The following TRPS1 variants were observed in gnomAD, a reference collection of about 807,000 sequenced individuals.
TRPS1 encodes the protein transcriptional repressor GATA binding 1, also known as zinc finger transcription factor Trps1.
TRPS1 carries 6 observed loss-of-function variants against 101.2 expected under a neutral mutation model. The observed-to-expected ratio is 0.06, with a 90% CI of 0.03 to 0.12. The LOEUF is 0.12. Among genes scored for constraint, TRPS1 ranks in the 10% least tolerant of loss-of-function variants. The pLI is 1.00. For missense variants in TRPS1, 1,363 were observed against 1,567.0 expected (o/e 0.87, Z 2.20); for synonymous variants, 578 against 589.8 (o/e 0.98, Z 0.29).
At chr8:115,626,565 G>A (rs1818513947) in intron 1 of TRPS1, among the ~76,000 whole-genome samples, 1 of 151,726 alleles carries the variant, frequency 6.6e-6, no homozygotes, top group African/African-American at 2.4e-5. Context: ...TGAATTGACT[G>A]TTCCCAAATT....
chr8:115,531,576 C>T (rs1816132157), intron 5 of TRPS1, among the ~76,000 whole-genome samples: 1 of 151,938 alleles, frequency 6.6e-6, no homozygotes, highest in African/African-American at 2.4e-5. Flanking sequence ...GTGTGGAAGT[C>T]AGAAGGACGG....
intron 5 of TRPS1, among the ~76,000 whole-genome samples, chr8:115,546,193 AAT>A (rs1324059754): frequency 2.6e-5 from 4 of 151,762 alleles, no homozygotes; most frequent in African/African-American, 9.7e-5. Context: ...ATATTTATAT[AAT>A]ATGTAAAAAT....
intron 5 of TRPS1, among the ~76,000 whole-genome samples, chr8:115,507,128 A>G (rs1815464954): frequency 6.6e-6 from 1 of 152,110 alleles, no homozygotes; most frequent in Non-Finnish European, 1.5e-5. Context: ...AAATCTCCTC[A>G]GTAAATAGCT....
chr8:115,432,309 A>T (rs933830272), intron 5 of TRPS1, among the ~76,000 whole-genome samples: 1 of 151,726 alleles, frequency 6.6e-6, no homozygotes, highest in African/African-American at 2.4e-5. Context: ...AAATGTTTGT[A>T]CTCTTTGAAA....
At chr8:115,548,567 G>A (rs577075316) in intron 5 of TRPS1, among the ~76,000 whole-genome samples, 5 of 152,156 alleles carry the variant, frequency 3.3e-5, no homozygotes, top group Non-Finnish European at 7.3e-5. Flanking sequence ...TTACAGGCAT[G>A]AGCCACTGTG....
rs776718242 is a variant in TRPS1, at chr8:115,533,454, TTTTTTC to T, written c.2700+53541_2700+53546del. Reference sequence around the variant, plus strand: ...GTAATCTGTTTTTTTTTTTTTTTTTTTTTTTCCTGAAAAAAATCATGAGTGAGTTAA... The same window carrying T: ...GTAATCTGTTTTTTTTTTTTTTTTTTCTGAAAAAAATCATGAGTGAGTTAA... On this transcript the variant is annotated intron_variant, in intron 5 of 6. Coordinates refer to ENST00000395715, the MANE Select transcript of TRPS1 (RefSeq NM_014112.5). 9.7e-3 allele frequency among the ~76,000 whole-genome samples: 1,319 copies of T among 135,930 alleles called. 54 individuals are homozygous for T. Among genetic ancestry groups the T allele is most frequent in the Non-Finnish European group, 0.014 (934 of 64,788 alleles). The allele number at this position is 135,930 out of a possible 152,430, so 89.2% of individuals were successfully genotyped here.
chr8:115,479,965 A>G (rs902644853), intron 5 of TRPS1, among the ~76,000 whole-genome samples: 19 of 152,296 alleles, frequency 1.2e-4, no homozygotes, highest in African/African-American at 4.6e-4. Flanking sequence ...TTACTTCCCA[A>G]TGAAGCAGAG....
intron 4 of TRPS1, among the ~76,000 whole-genome samples, chr8:115,595,285 TA>T (rs1173572694): frequency 1.3e-5 from 2 of 151,972 alleles, no homozygotes; most frequent in Non-Finnish European, 2.9e-5. Context: ...CATGTGGCAT[TA>T]CTGCCACTGT....
At chr8:115,436,804 C>T (rs1484837846) in intron 5 of TRPS1, among the ~76,000 whole-genome samples, 2 of 152,064 alleles carry the variant, frequency 1.3e-5, no homozygotes, top group Non-Finnish European at 2.9e-5. Context: ...GAATGTAAGG[C>T]ACACAATTTG....
At chr8:115,509,283 T>C (rs1281845876) in intron 5 of TRPS1, among the ~76,000 whole-genome samples, 1 of 152,062 alleles carries the variant, frequency 6.6e-6, no homozygotes, top group Non-Finnish European at 1.5e-5. Flanking sequence ...CACACTAGGC[T>C]TCTATTTATT....
intron 1 of TRPS1, among the ~76,000 whole-genome samples, chr8:115,646,232 G>C (rs537990513): frequency 6.6e-6 from 1 of 152,220 alleles, no homozygotes; most frequent in Admixed American, 6.5e-5. Flanking sequence ...CCTGTGCCCA[G>C]GTACTACTAC....
At chr8:115,659,948 A>G (rs1451637180) in intron 1 of TRPS1, among the ~76,000 whole-genome samples, 2 of 152,036 alleles carry the variant, frequency 1.3e-5, no homozygotes, top group Non-Finnish European at 2.9e-5. Context: ...ATGTAAAAAC[A>G]TTCTAAGCAA....
chr8:115,427,626 G>A (rs1406800886), intron 5 of TRPS1, among the ~76,000 whole-genome samples: 1 of 152,102 alleles, frequency 6.6e-6, no homozygotes, highest in Non-Finnish European at 1.5e-5. Flanking sequence ...TACTAAAGAG[G>A]AGATTGGGGA....
chr8:115,650,674 C>T (rs912959812), intron 1 of TRPS1, among the ~76,000 whole-genome samples: 4 of 152,118 alleles, frequency 2.6e-5, no homozygotes, highest in African/African-American at 9.7e-5. Context: ...AAAAATCAAA[C>T]ATTCAAAGAA....
chr8:115,466,796 AAACTTT>A (rs1814330208), intron 5 of TRPS1, among the ~76,000 whole-genome samples: 1 of 152,160 alleles, frequency 6.6e-6, no homozygotes, highest in African/African-American at 2.4e-5. Flanking sequence ...ATAAAGCAAT[AAACTTT>A]AACTCCTCAA....
chr8:115,551,495 AT>A (rs1338631788), intron 5 of TRPS1, among the ~76,000 whole-genome samples: 3 of 152,290 alleles, frequency 2.0e-5, no homozygotes, highest in Non-Finnish European at 4.4e-5. Flanking sequence ...TAAAAATTCC[AT>A]TTTTGTGAAG....
chr8:115,619,984 A>C lies in TRPS1; in HGVS notation c.114T>G (p.Gly38=). The C allele has an allele frequency of 6.2e-7, 1 of 1,614,148 alleles. No individual in the cohort carries two copies. Among genetic ancestry groups the C allele is most frequent in the Non-Finnish European group, 8.5e-7 (1 of 1,180,030 alleles). Residue 38 remains glycine, a synonymous_variant, in exon 3 of 7, where the codon GGT becomes GGG. Transcript: ENST00000395715. Reference sequence around the variant, plus strand: ...TCTTTCCAGATACCTTGCTTTCTGTACCTATAGGCTCCAGGATCTGGCCCT... The same window carrying C: ...TCTTTCCAGATACCTTGCTTTCTGTCCCTATAGGCTCCAGGATCTGGCCCT... ...EGEGQILEPI[G]TESKVSGKNK... is the part of the protein sequence containing the mutation.
At position 115,606,844 on chromosome 8, in the gene TRPS1, A is replaced by G. The variant is rs1331918882; in HGVS notation, c.967-1842T>C. 2.0e-5 allele frequency among the ~76,000 whole-genome samples: 3 copies of G among 151,564 alleles called. No individual in the cohort carries two copies. In the East Asian group the frequency reaches 5.8e-4, roughly 29 times the overall value. On this transcript the variant is annotated intron_variant, in intron 3 of 6. Coordinates refer to ENST00000395715, the MANE Select transcript of TRPS1 (RefSeq NM_014112.5). ...AAAAAAAAAATACATATATATATTTAAATGGATAGCCATCAATCAGGTTCT... is the reference window on the plus strand; with the variant it reads ...AAAAAAAAAATACATATATATATTTGAATGGATAGCCATCAATCAGGTTCT...
chr8:115,614,337 A>C (rs1212165567), intron 3 of TRPS1, among the ~76,000 whole-genome samples: 6 of 152,242 alleles, frequency 3.9e-5, no homozygotes, highest in Non-Finnish European at 8.8e-5. Context: ...ACAAAATTAT[A>C]CATGTTCCTT....
Sources: gnomAD v4.1 joint callset for allele counts (sites outside exome capture counted in the v4.1 genomes callset) on GRCh38, gnomAD v4.1.1 for gene constraint, MANE v1.5 for transcripts, NCBI Gene and HGNC (gene_info 2026-07-23, HGNC 2026-07-21) for gene names.